IL32: variants seen among roughly 807,000 people sequenced by gnomAD.
The protein encoded by IL32 is interleukin 32.
A neutral mutation model predicts 16.6 loss-of-function variants in IL32; 30 were observed. The ratio of observed to expected loss-of-function variants is 1.81; its 90% confidence interval spans 1.35 to 2.45. The LOEUF is 2.45. Among genes scored for constraint, IL32 ranks in the 30% most tolerant of loss-of-function variants. The pLI, the probability that IL32 is intolerant of heterozygous loss-of-function variation, is 0.00. For missense variants in IL32, 234 were observed against 229.8 expected (o/e 1.02, Z -0.12); for synonymous variants, 70 against 86.1 (o/e 0.81, Z 1.03).
At chr16:3,066,010 C>T (rs557539086) in intron 2 of IL32, among the ~76,000 whole-genome samples, 184 bp downstream of exon 2, 69 of 152,052 alleles carry the variant, frequency 4.5e-4, no homozygotes, top group Non-Finnish European at 3.7e-4. Flanking sequence ...GTGTCGGGGG[C>T]GCTGGAGAAC....
rs745911384 is a variant in IL32 at position 3,068,137 on chromosome 16, C to A, written c.142-43C>A. On this transcript the variant is annotated intron_variant, in intron 5 of 6. Transcript: ENST00000525643. Reference sequence around the variant, plus strand: ...AGTGGGGGCCACAGTGGGAAGGGGGCAGGCAGGAGCAGCATGAACCCCCTG... The same window carrying A: ...AGTGGGGGCCACAGTGGGAAGGGGGAAGGCAGGAGCAGCATGAACCCCCTG... The A allele has an allele frequency of 5.0e-6, 8 of 1,599,622 alleles. No individual in the cohort carries two copies. The East Asian group carries it at 1.8e-4, about 36-fold the overall frequency.
rs112417594 is a variant in IL32 at position 3,068,460 on chromosome 16, C to G, written c.201+221C>G. The G allele has an allele frequency of 6.4e-4, 356 of 559,494 alleles. 4 individuals carry two copies. Among genetic ancestry groups the G allele is most frequent in the African/African-American group, 5.8e-3 (306 of 53,086 alleles). The allele number at this position is 559,494 out of a possible 1,614,324, so 34.7% of individuals were successfully genotyped here. On this transcript the variant is annotated intron_variant, in intron 6 of 6. Coordinates refer to ENST00000525643, the MANE Select transcript of IL32 (RefSeq NM_001376923.1). ...AGTTGGGACTACAGGCACCCGCCAC[C>G]ACTCCAGGCTGATTTTTTTTGTGTG...
At position 3,067,542 on chromosome 16, in the gene IL32, C is replaced by G. The variant is rs753486240; in HGVS notation, c.55-12C>G. ...TCCGGCCCTTTGGTGCCAACTCTGC[C>G]TCTCTTCACAGCACCAGGCCATAGA... On this transcript the variant is annotated splice_polypyrimidine_tract_variant and intron_variant, in intron 3 of 6. Coordinates refer to ENST00000525643, the MANE Select transcript of IL32 (RefSeq NM_001376923.1). The G allele has an allele frequency of 6.2e-7, 1 of 1,614,066 alleles. No individual in the cohort carries two copies. Among genetic ancestry groups the G allele is most frequent in the Non-Finnish European group, 8.5e-7 (1 of 1,179,986 alleles).
At chr16:3,067,330 A>G (rs1956489839) in intron 2 of IL32, 47 bp from the exon 3 acceptor site, 1 of 1,039,564 alleles carries the variant, frequency 9.6e-7, no homozygotes, top group Non-Finnish European at 1.4e-6. Context: ...CCTGGAGGAA[A>G]GGTTAAGGTG....
chr16:3,067,332 G>A (rs1369786662), intron 2 of IL32, 45 bp from the exon 3 acceptor site: 13 of 1,056,528 alleles, frequency 1.2e-5, no homozygotes, highest in African/African-American at 1.6e-5. Context: ...TGGAGGAAAG[G>A]TTAAGGTGAC....
Position 3,066,853 on chromosome 16 carries a change from G to T in IL32, c.16-524G>T, listed in dbSNP as rs1956364518. Among the ~76,000 whole-genome samples the T allele has an allele frequency of 2.0e-5, 3 of 152,174 alleles. No homozygotes were observed. The South Asian group carries it at 6.2e-4, about 31-fold the overall frequency. Reference sequence around the variant, plus strand: ...AGCTGAGCCAGCCTGCTCCAGGACAGTGTCCATCCTCCCGTGTGTGTACAT... The same window carrying T: ...AGCTGAGCCAGCCTGCTCCAGGACATTGTCCATCCTCCCGTGTGTGTACAT... On this transcript the variant is annotated intron_variant, in intron 2 of 6. Coordinates refer to ENST00000525643, the MANE Select transcript of IL32 (RefSeq NM_001376923.1).
chr16:3,065,652 G>A lies in IL32; in HGVS notation c.-64G>A, dbSNP rs764497389. 1 of 768,222 alleles carries A rather than the reference G, an allele frequency of 1.3e-6. No individual in the cohort carries two copies. The highest frequency in any genetic ancestry group is 1.7e-5 in the African/African-American group (1 of 58,436). The allele number at this position is 768,222 out of a possible 1,614,324, so 47.6% of individuals were successfully genotyped here. The stretch of plus-strand genomic sequence containing the variant: ...ATTTGTGCCAGGAAGACTGCGTGCA[G>A]AAGGTGACTGTCTCAGTGGAGCTGG... On this transcript the variant is annotated 5_prime_UTR_variant, in exon 1 of 7. Transcript: ENST00000525643.
Position 3,067,427 on chromosome 16 carries a change from C to T in IL32, c.54+12C>T. On this transcript the variant is annotated intron_variant, in intron 3 of 6. Transcript: ENST00000525643. ...TGAAGGCCCGAATGGTAATGCTCCT[C>T]CCTACTTCTGCTCAGGGGTTGGGGG... is the stretch of plus-strand genomic sequence containing the variant. 6.2e-7 allele frequency: 1 copy of T among 1,602,654 alleles called. No individual in the cohort carries two copies. Among genetic ancestry groups the T allele is most frequent in the South Asian group, 1.1e-5 (1 of 89,978 alleles).
intron 3 of IL32, 62 bp downstream of exon 3, chr16:3,067,477 AG>A (rs1317042272): frequency 9.9e-6 from 16 of 1,613,834 alleles, no homozygotes; most frequent in Non-Finnish European, 1.4e-5. Context: ...TGTGACACTG[AG>A]GACACTGTGG....
At position 3,068,248 on chromosome 16, in the gene IL32, G is replaced by A; in HGVS notation, c.201+9G>A. 1.9e-6 allele frequency: 3 copies of A among 1,588,112 alleles called. No individual in the cohort carries two copies. The highest frequency in any genetic ancestry group is 2.3e-5 in the East Asian group (1 of 43,798). On this transcript the variant is annotated intron_variant, in intron 6 of 6. Coordinates refer to ENST00000525643, the MANE Select transcript of IL32 (RefSeq NM_001376923.1). ...ATGAGGAGCAGCACCCAGTGAGTAT[G>A]ACACACCCATCTGGGCACCTTGCCT...
At position 3,065,661 on chromosome 16, in the gene IL32, T is replaced by A; in HGVS notation, c.-55T>A. ...AGGAAGACTGCGTGCAGAAGGTGAC[T>A]GTCTCAGTGGAGCTGGGTCATCTCA... On this transcript the variant is annotated 5_prime_UTR_variant, in exon 1 of 7. Transcript: ENST00000525643. The A allele has an allele frequency of 1.3e-6, 1 of 790,546 alleles. No homozygotes were observed. The highest frequency in any genetic ancestry group is 1.4e-5 in the South Asian group (1 of 70,778). 49.0% of individuals were successfully genotyped at this position (790,546 alleles called of 1,614,324 possible).
chr16:3,066,336 C>T (rs1216970102), intron 2 of IL32, among the ~76,000 whole-genome samples: 4 of 152,228 alleles, frequency 2.6e-5, no homozygotes, highest in African/African-American at 7.2e-5. Flanking sequence ...AGGTTCAGGA[C>T]AGTGACCCGG....
chr16:3,065,729 G>A (rs1226521993), intron 1 of IL32, 42 bp downstream of exon 1: 2 of 1,519,432 alleles, frequency 1.3e-6, no homozygotes, highest in Non-Finnish European at 1.8e-6. Flanking sequence ...CCTCTGGGGA[G>A]GAGGGTGCTT....
At chr16:3,067,444 G>T in intron 3 of IL32, 29 bp downstream of exon 3, 1 of 1,610,476 alleles carries the variant, frequency 6.2e-7, no homozygotes, top group Non-Finnish European at 8.5e-7. Flanking sequence ...TCTGCTCAGG[G>T]GTTGGGGGCC....
intron 6 of IL32, 25 bp downstream of exon 6, chr16:3,068,264 C>A: frequency 6.4e-7 from 1 of 1,566,680 alleles, no homozygotes; most frequent in Non-Finnish European, 8.7e-7. Context: ...CCCATCTGGG[C>A]ACCTTGCCTT....
chr16:3,067,713 A>T, intron 4 of IL32, 100 bp downstream of exon 4: 1 of 987,230 alleles, frequency 1.0e-6, no homozygotes, highest in Non-Finnish European at 1.6e-6. Context: ...AGGGACCCAC[A>T]GGCTCCCTCA....
At chr16:3,067,795 G>A (rs539743257) in intron 4 of IL32, 182 bp downstream of exon 4, 18 of 805,300 alleles carry the variant, frequency 2.2e-5, no homozygotes, top group South Asian at 4.7e-5. Flanking sequence ...GACGCCCGGG[G>A]AGACTGAGGG....
chr16:3,066,977 G>C (rs1183653928), intron 2 of IL32, among the ~76,000 whole-genome samples: 2 of 101,340 alleles, frequency 2.0e-5, no homozygotes, highest in Non-Finnish European at 4.3e-5. Context: ...GCTCTTGTGA[G>C]GAGGGGTCAC....
intron 2 of IL32, among the ~76,000 whole-genome samples, chr16:3,066,572 C>T (rs765703840): frequency 6.6e-5 from 10 of 151,694 alleles, no homozygotes; most frequent in East Asian, 3.9e-4. Flanking sequence ...GGGGGCTCAG[C>T]GGGGATTCTG....
Sources: gnomAD v4.1 joint callset for allele counts (sites outside exome capture counted in the v4.1 genomes callset) on GRCh38, gnomAD v4.1.1 for gene constraint, MANE v1.5 for transcripts, NCBI Gene and HGNC (gene_info 2026-07-23, HGNC 2026-07-21) for gene names.